Variants in DOCK1 observed in about 807,000 individuals in gnomAD.
The protein encoded by DOCK1 is dedicator of cytokinesis 1, also known as dedicator of cytokinesis protein 1.
Under a neutral mutation model 262.7 loss-of-function variants are expected in DOCK1, and 138 were observed. The ratio of observed to expected loss-of-function variants is 0.53; its 90% CI spans 0.46 to 0.61. The LOEUF is 0.61. DOCK1 is among the 20% of genes least tolerant of loss of function. The pLI is 0.00. For missense variants in DOCK1, 1,908 were observed against 2,370.7 expected (o/e 0.80, Z 4.05); for synonymous variants, 866 against 867.4 (o/e 1.00, Z 0.03).
At chr10:127,090,410 A>G (rs2136089922) in intron 23 of DOCK1, among the ~76,000 whole-genome samples, 1 of 152,160 alleles carries the variant, frequency 6.6e-6, no homozygotes, top group South Asian at 2.1e-4. Flanking sequence ...TCAGTATGCA[A>G]AGGTCACCCG....
intron 29 of DOCK1, among the ~76,000 whole-genome samples, chr10:127,269,950 T>C (rs918330505): frequency 2.6e-5 from 4 of 152,206 alleles, no homozygotes; most frequent in Admixed American, 6.5e-5. Flanking sequence ...CCACGCTCAG[T>C]TTTGGTAACA....
chr10:127,395,026 CAGATGAT>C (rs2066737138), intron 38 of DOCK1, among the ~76,000 whole-genome samples: 1 of 152,136 alleles, frequency 6.6e-6, no homozygotes, highest in Non-Finnish European at 1.5e-5. Flanking sequence ...TTAAGTTTGC[CAGATGAT>C]GGCTGGGAGG....
At chr10:127,444,698 C>G (rs960883955) in intron 50 of DOCK1, among the ~76,000 whole-genome samples, 2 of 152,106 alleles carry the variant, frequency 1.3e-5, no homozygotes, top group Non-Finnish European at 2.9e-5. Flanking sequence ...TAGTTTTGAC[C>G]AATGTTTAAA....
intron 1 of DOCK1, among the ~76,000 whole-genome samples, chr10:126,962,158 C>T (rs1280660307): frequency 1.6e-4 from 22 of 135,636 alleles, no homozygotes; most frequent in Admixed American, 1.4e-3. Flanking sequence ...CCACCATGCC[C>T]GACTCTTTTT....
At position 127,026,810 on chromosome 10, in the gene DOCK1, G is replaced by A. The variant is rs181826867; in HGVS notation, c.1624+386G>A. 5.3e-4 allele frequency among the ~76,000 whole-genome samples: 81 copies of A among 152,254 alleles called. No homozygotes were observed. In the East Asian group the frequency reaches 0.012, roughly 23 times the overall value. On this transcript the variant is annotated intron_variant, in intron 16 of 51. Transcript: ENST00000623213. The stretch of plus-strand genomic sequence containing the variant: ...TCTTGAACCCTTTTTGTCTTCCTTG[G>A]TGGCCCTTGCTGTCTGGAGCTCAGG...
intron 38 of DOCK1, among the ~76,000 whole-genome samples, chr10:127,393,878 C>T (rs971335418): frequency 6.7e-6 from 1 of 150,056 alleles, no homozygotes; most frequent in Non-Finnish European, 1.5e-5. Flanking sequence ...TTTTACGTTT[C>T]CTCCTTCCCG....
At chr10:126,989,566 A>G (rs182334414) in intron 5 of DOCK1, among the ~76,000 whole-genome samples, 6 of 152,202 alleles carry the variant, frequency 3.9e-5, no homozygotes, top group South Asian at 2.1e-4. Context: ...GACTCAAGCA[A>G]TCCTCCCGCC....
At chr10:126,997,795 A>C in intron 7 of DOCK1, 1 of 323,052 alleles carries the variant, frequency 3.1e-6, no homozygotes, top group Non-Finnish European at 5.8e-6. Flanking sequence ...ATGAGGGAAC[A>C]AAAAATTAAA....
chr10:127,345,661 C>G (rs2063599047), intron 31 of DOCK1, among the ~76,000 whole-genome samples: 1 of 152,146 alleles, frequency 6.6e-6, no homozygotes, highest in South Asian at 2.1e-4. Context: ...TCGCCTGTGA[C>G]TACCGAAGCG....
intron 27 of DOCK1, among the ~76,000 whole-genome samples, chr10:127,208,033 TG>T (rs920613938): frequency 1.3e-5 from 2 of 152,222 alleles, no homozygotes; most frequent in African/African-American, 4.8e-5. Flanking sequence ...CTCTGCGATT[TG>T]GGCAGAATTA....
chr10:126,941,694 G>A (rs1488029749), intron 1 of DOCK1, among the ~76,000 whole-genome samples: 1 of 152,102 alleles, frequency 6.6e-6, no homozygotes, highest in Non-Finnish European at 1.5e-5. Flanking sequence ...GGCGGAGCTT[G>A]CAGTGAGCCG....
At chr10:127,251,338 T>A (rs2059633007) in intron 28 of DOCK1, among the ~76,000 whole-genome samples, 1 of 152,122 alleles carries the variant, frequency 6.6e-6, no homozygotes, top group Non-Finnish European at 1.5e-5. Context: ...TGTTATTTCG[T>A]ATTTCAATAT....
chr10:126,921,034 TAAAAATACAAAA>T (rs1388163063), intron 1 of DOCK1, among the ~76,000 whole-genome samples: 1 of 151,994 alleles, frequency 6.6e-6, no homozygotes, highest in African/African-American at 2.4e-5. Flanking sequence ...CCGTCTCTAC[TAAAAATACAAAA>T]ACAATTAGTT....
chr10:126,956,095 C>T (rs946052147), intron 1 of DOCK1, among the ~76,000 whole-genome samples: 22 of 152,180 alleles, frequency 1.4e-4, no homozygotes, highest in African/African-American at 1.9e-4. Context: ...GAAATGCCCG[C>T]GTCTCTGCAG....
At chr10:127,342,082 G>C (rs1225352385) in intron 30 of DOCK1, among the ~76,000 whole-genome samples, 1 of 147,230 alleles carries the variant, frequency 6.8e-6, no homozygotes, top group Non-Finnish European at 1.5e-5. Context: ...TGCTGTTGCT[G>C]TTGCTGTTGT....
intron 10 of DOCK1, among the ~76,000 whole-genome samples, chr10:127,006,884 G>T (rs1021692152): frequency 6.6e-6 from 1 of 151,274 alleles, no homozygotes; most frequent in African/African-American, 2.4e-5. Context: ...GGGTGGGCCT[G>T]CTCGGGTCAG....
chr10:127,394,352 T>TAAAAAAA (rs34284692), intron 38 of DOCK1, among the ~76,000 whole-genome samples: 1 of 133,072 alleles, frequency 7.5e-6, no homozygotes, highest in African/African-American at 2.8e-5. Flanking sequence ...TGCACCAATG[T>TAAAAAAA]AAAAAAAAAA....
intron 34 of DOCK1, 58 bp from the exon 35 acceptor site, chr10:127,374,000 C>G: frequency 1.3e-6 from 2 of 1,551,868 alleles, no homozygotes; most frequent in South Asian, 2.5e-5. Flanking sequence ...AAAATTGCAC[C>G]TCTGTTGAGT....
At chr10:127,424,304 C>G (rs189422555) in intron 46 of DOCK1, among the ~76,000 whole-genome samples, 127 of 152,266 alleles carry the variant, frequency 8.3e-4, no homozygotes, top group Middle Eastern at 6.8e-3. Flanking sequence ...GCAGCACAAG[C>G]GTCCTAAACC....
Sources: allele counts gnomAD v4.1 joint callset (sites outside exome capture counted in the v4.1 genomes callset), GRCh38; gene constraint gnomAD v4.1.1; transcripts MANE v1.5; gene names NCBI Gene and HGNC (gene_info 2026-07-23, HGNC 2026-07-21).